GPC6: variants seen among roughly 807,000 people sequenced by gnomAD.
The protein encoded by GPC6 is glypican-6.
GPC6 carries 14 observed loss-of-function variants against 55.2 expected under a neutral mutation model. The observed-to-expected ratio is 0.25, with a 90% CI of 0.17 to 0.40. The LOEUF is 0.40. GPC6 is among the 10% of genes least tolerant of loss of function. The pLI, the probability that GPC6 is intolerant of heterozygous loss-of-function variation, is 1.00. For synonymous variants in GPC6, 278 were observed against 259.6 expected, an observed-to-expected ratio of 1.07 and a Z score of -0.68; for missense variants, 641 against 708.5, an observed-to-expected ratio of 0.90 and a Z score of 1.08.
intron 2 of GPC6, among the ~76,000 whole-genome samples, chr13:93,755,737 G>A (rs139662651): frequency 2.8e-4 from 43 of 152,242 alleles, no homozygotes; most frequent in African/African-American, 9.6e-4. Context: ...CATAAGTTGA[G>A]CCATCGTAGT....
Position 94,306,007 on chromosome 13 carries a change from C to T in GPC6, c.1036C>T (p.Pro346Ser). 1 of 1,614,170 alleles carries T rather than the reference C, an allele frequency of 6.2e-7. No individual in the cohort carries two copies. The change falls in exon 6 of 9, where the codon CCT (proline) becomes TCT (serine). Residue 346 changes from proline to serine, a missense_variant. Physicochemically the swap from Pro to Ser is moderately conservative, Grantham distance 74. Transcript: ENST00000377047. ...CTTTCAGGGATGTGGTCAGCCCAAA[C>T]CTGCTCCAGCCCTCAGATCTGCCCG... is the stretch of plus-strand genomic sequence containing the variant. ...KVFQGCGQPK[P>S]APALRSARSA...
At position 94,026,783 on chromosome 13, in the gene GPC6, T is replaced by C. The variant is rs142560352; in HGVS notation, c.712-946T>C. ...AGAAGGGGAAGCAAACACATCCTTCTTCACATGGTGGCAGTGAGGAGAAGT... is the reference window on the plus strand; with the variant it reads ...AGAAGGGGAAGCAAACACATCCTTCCTCACATGGTGGCAGTGAGGAGAAGT... On this transcript the variant is annotated intron_variant, in intron 3 of 8. Coordinates refer to ENST00000377047, the MANE Select transcript of GPC6 (RefSeq NM_005708.5). Among the ~76,000 whole-genome samples the C allele has an allele frequency of 5.2e-3, 797 of 152,216 alleles. 1 individual carries two copies. The highest frequency in any genetic ancestry group is 8.1e-3 in the Non-Finnish European group (554 of 68,014).
chr13:93,617,545 C>T (rs74111506), intron 2 of GPC6, among the ~76,000 whole-genome samples: 5,927 of 152,086 alleles, frequency 0.039, 387 homozygotes, highest in African/African-American at 0.13. Flanking sequence ...TAAGAAGCCC[C>T]CTCGGACACA....
At chr13:93,233,656 G>A (rs896643332) in intron 1 of GPC6, among the ~76,000 whole-genome samples, 2 of 152,148 alleles carry the variant, frequency 1.3e-5, no homozygotes. Flanking sequence ...CAAATCAGAG[G>A]CAGAATAATG....
intron 4 of GPC6, among the ~76,000 whole-genome samples, chr13:94,135,345 A>G (rs1232823902): frequency 6.6e-6 from 1 of 152,206 alleles, no homozygotes; most frequent in African/African-American, 2.4e-5. Flanking sequence ...ATTTGAAAAA[A>G]AAGTCCCTGA....
At chr13:93,872,522 G>A (rs963135934) in intron 3 of GPC6, among the ~76,000 whole-genome samples, 2 of 151,950 alleles carry the variant, frequency 1.3e-5, no homozygotes, top group Non-Finnish European at 2.9e-5. Flanking sequence ...TCTCAGTGCT[G>A]CGATTCTTCT....
At chr13:93,633,143 A>C (rs1423875696) in intron 2 of GPC6, among the ~76,000 whole-genome samples, 1 of 152,202 alleles carries the variant, frequency 6.6e-6, no homozygotes, top group East Asian at 1.9e-4. Flanking sequence ...TACTTGTGAG[A>C]AACTGATTAC....
intron 6 of GPC6, among the ~76,000 whole-genome samples, chr13:94,327,719 T>C (rs1160856120): frequency 6.6e-6 from 1 of 152,196 alleles, no homozygotes; most frequent in Admixed American, 6.5e-5. Context: ...TGAGAGGTTT[T>C]TCGTCTTTGT....
At chr13:94,304,208 T>C (rs989530183) in intron 5 of GPC6, among the ~76,000 whole-genome samples, 6 of 152,206 alleles carry the variant, frequency 3.9e-5, no homozygotes, top group African/African-American at 1.4e-4. Context: ...TAATCAATAG[T>C]GTGTTAAGAC....
At chr13:93,752,989 T>C (rs1381571756) in intron 2 of GPC6, among the ~76,000 whole-genome samples, 1 of 152,224 alleles carries the variant, frequency 6.6e-6, no homozygotes, top group Non-Finnish European at 1.5e-5. Context: ...AGTCTGAATT[T>C]AGAAGAATAA....
intron 2 of GPC6, among the ~76,000 whole-genome samples, chr13:93,674,337 A>G (rs1379879668): frequency 6.6e-6 from 1 of 152,138 alleles, no homozygotes; most frequent in Non-Finnish European, 1.5e-5. Flanking sequence ...ATCCTTTCTA[A>G]AGTAGCTTGG....
Position 93,282,077 on chromosome 13 carries a change from A to G in GPC6, c.160+54461A>G, listed in dbSNP as rs181463132. 3.7e-3 allele frequency among the ~76,000 whole-genome samples: 571 copies of G among 152,302 alleles called. 1 individual carries two copies. Among genetic ancestry groups the G allele is most frequent in the African/African-American group, 0.012 (511 of 41,566 alleles). On this transcript the variant is annotated intron_variant, in intron 1 of 8. Transcript: ENST00000377047. The stretch of plus-strand genomic sequence containing the variant: ...AATCGAATTAAGTAATATTTACTGC[A>G]AAGTTGTTTTTTGGATTGAACATTT...
At chr13:94,258,714 G>A (rs563562725) in intron 4 of GPC6, among the ~76,000 whole-genome samples, 4 of 152,314 alleles carry the variant, frequency 2.6e-5, no homozygotes, top group Admixed American at 1.3e-4. Flanking sequence ...TCCATTCACA[G>A]ACACAGGCTG....
chr13:93,511,685 C>T (rs1047479106), intron 1 of GPC6, among the ~76,000 whole-genome samples: 2 of 151,674 alleles, frequency 1.3e-5, no homozygotes, highest in African/African-American at 2.4e-5. Flanking sequence ...ATTTTAGGAT[C>T]GTTTTTTCTA....
At chr13:93,384,155 G>T (rs920139455) in intron 1 of GPC6, among the ~76,000 whole-genome samples, 18 of 151,968 alleles carry the variant, frequency 1.2e-4, no homozygotes, top group African/African-American at 4.4e-4. Context: ...GAATGCTAAA[G>T]CACACTTTCT....
chr13:93,488,702 G>T (rs1879831770), intron 1 of GPC6, among the ~76,000 whole-genome samples: 2 of 152,088 alleles, frequency 1.3e-5, no homozygotes, highest in African/African-American at 4.8e-5. Context: ...GTTTTGATTT[G>T]CATTTCTCTG....
At chr13:94,294,457 C>A (rs981763139) in intron 5 of GPC6, among the ~76,000 whole-genome samples, 6 of 129,814 alleles carry the variant, frequency 4.6e-5, no homozygotes, top group African/African-American at 1.2e-4. Flanking sequence ...AAAAAAAAAA[C>A]CCTAAGAGAA....
At chr13:94,083,798 T>C (rs1300500991) in intron 4 of GPC6, among the ~76,000 whole-genome samples, 2 of 152,222 alleles carry the variant, frequency 1.3e-5, no homozygotes, top group African/African-American at 4.8e-5. Flanking sequence ...CAAGGGAAGT[T>C]TTAATGAGTA....
chr13:94,320,172 C>A (rs550858521), intron 6 of GPC6, among the ~76,000 whole-genome samples: 1 of 152,280 alleles, frequency 6.6e-6, no homozygotes, highest in Admixed American at 6.5e-5. Flanking sequence ...TGGCATTAAA[C>A]CCAGCCACTT....
Sources: allele counts gnomAD v4.1 joint callset (sites outside exome capture counted in the v4.1 genomes callset), GRCh38; gene constraint gnomAD v4.1.1; transcripts MANE v1.5; gene names NCBI Gene and HGNC (gene_info 2026-07-23, HGNC 2026-07-21).